Variants in NKAIN2 observed in about 807,000 individuals in gnomAD.
The protein encoded by NKAIN2 is sodium/potassium-transporting ATPase subunit beta-1-interacting protein 2.
A neutral mutation model predicts 32.6 loss-of-function variants in NKAIN2; 14 were observed. The ratio of observed to expected loss-of-function variants is 0.43; its 90% CI spans 0.28 to 0.67. NKAIN2 has a LOEUF of 0.67. NKAIN2 is among the 30% of genes least tolerant of loss of function. The probability of loss-of-function intolerance (pLI) is 0.17; values close to 1 mark genes in which losing one functional copy is unlikely to be tolerated. For missense variants in NKAIN2, 198 were observed against 258.3 expected (o/e 0.77, Z 1.60); for synonymous variants, 80 against 87.2 (o/e 0.92, Z 0.46).
rs571307194 is a variant in NKAIN2 at position 123,834,114 on chromosome 6, C to T, written c.54+29860C>T. On this transcript the variant is annotated intron_variant, in intron 1 of 6. Coordinates refer to ENST00000368417, the MANE Select transcript of NKAIN2 (RefSeq NM_001040214.3). ...TTTGGTATATTACCCTTGTATCCTG[C>T]AACTTTGCAATAATTCCATATTAGT... Among the ~76,000 whole-genome samples the T allele has an allele frequency of 9.5e-4, 145 of 152,140 alleles. 1 individual carries two copies. Among genetic ancestry groups the T allele is most frequent in the African/African-American group, 3.4e-3 (141 of 41,506 alleles).
At chr6:124,677,883 C>CT (rs1773437208) in intron 4 of NKAIN2, among the ~76,000 whole-genome samples, 1 of 151,794 alleles carries the variant, frequency 6.6e-6, no homozygotes, top group Non-Finnish European at 1.5e-5. Flanking sequence ...TTTAACCTTT[C>CT]TTTTTAAGGC....
At chr6:124,007,227 G>T (rs1350629860) in intron 1 of NKAIN2, among the ~76,000 whole-genome samples, 1 of 152,146 alleles carries the variant, frequency 6.6e-6, no homozygotes, top group Non-Finnish European at 1.5e-5. Context: ...TACAAATACG[G>T]TATTATAGTC....
intron 1 of NKAIN2, among the ~76,000 whole-genome samples, chr6:123,927,003 CA>C (rs1300211799): frequency 1.3e-5 from 2 of 152,106 alleles, no homozygotes; most frequent in African/African-American, 4.8e-5. Flanking sequence ...TAAGATATGG[CA>C]ATATAATTAA....
At chr6:124,125,074 T>C (rs1043613461) in intron 1 of NKAIN2, among the ~76,000 whole-genome samples, 4 of 152,224 alleles carry the variant, frequency 2.6e-5, no homozygotes, top group Non-Finnish European at 5.9e-5. Flanking sequence ...AGTCTTGTTC[T>C]ACCTGCTGGG....
At chr6:124,664,655 G>C (rs539471409) in intron 4 of NKAIN2, among the ~76,000 whole-genome samples, 10 of 149,138 alleles carry the variant, frequency 6.7e-5, no homozygotes, top group African/African-American at 2.4e-4. Context: ...TTAGCCGGGC[G>C]TAGTGGCGGG....
At chr6:124,640,950 TA>T (rs1192906459) in intron 3 of NKAIN2, among the ~76,000 whole-genome samples, 4 of 152,184 alleles carry the variant, frequency 2.6e-5, no homozygotes, top group African/African-American at 9.7e-5. Context: ...AGGATCACCT[TA>T]AAACAAAATT....
chr6:124,394,365 T>C (rs1322603953), intron 3 of NKAIN2, among the ~76,000 whole-genome samples: 2 of 152,004 alleles, frequency 1.3e-5, no homozygotes, highest in Non-Finnish European at 2.9e-5. Flanking sequence ...CATAATACTA[T>C]AGGATCAAAA....
intron 1 of NKAIN2, among the ~76,000 whole-genome samples, chr6:124,084,753 T>C (rs1380164028): frequency 6.6e-6 from 1 of 152,034 alleles, no homozygotes; most frequent in Non-Finnish European, 1.5e-5. Context: ...AAGATCATTG[T>C]GCTTTAATCA....
chr6:124,752,804 T>A (rs1316653270), intron 4 of NKAIN2, among the ~76,000 whole-genome samples: 2 of 152,074 alleles, frequency 1.3e-5, no homozygotes, highest in African/African-American at 4.8e-5. Flanking sequence ...GTGAAATGAA[T>A]GAATTCTATT....
At chr6:124,215,854 A>G (rs887253102) in intron 1 of NKAIN2, among the ~76,000 whole-genome samples, 1 of 152,154 alleles carries the variant, frequency 6.6e-6, no homozygotes, top group Non-Finnish European at 1.5e-5. Flanking sequence ...GCAGTGGCTG[A>G]CGCCTGTAAT....
intron 3 of NKAIN2, among the ~76,000 whole-genome samples, chr6:124,390,365 G>A (rs899402403): frequency 5.9e-5 from 9 of 152,068 alleles, no homozygotes; most frequent in Admixed American, 1.3e-4. Flanking sequence ...AAACAAGCTC[G>A]AGATCAGCTA....
At chr6:124,110,139 C>CTTT (rs201686423) in intron 1 of NKAIN2, among the ~76,000 whole-genome samples, 2 of 135,544 alleles carry the variant, frequency 1.5e-5, no homozygotes, top group African/African-American at 5.3e-5. Flanking sequence ...CCCTCATTTT[C>CTTT]TTTTTTTTTT....
chr6:124,387,506 T>C (rs1191944753), intron 3 of NKAIN2, among the ~76,000 whole-genome samples: 1 of 152,122 alleles, frequency 6.6e-6, no homozygotes, highest in Admixed American at 6.6e-5. Context: ...TATCATTTTA[T>C]GTCCAGAAAA....
At chr6:124,718,293 C>A (rs905837339) in intron 4 of NKAIN2, among the ~76,000 whole-genome samples, 1 of 152,136 alleles carries the variant, frequency 6.6e-6, no homozygotes, top group Non-Finnish European at 1.5e-5. Flanking sequence ...TACAGATTTC[C>A]CTACTCTGTG....
At chr6:124,046,822 C>T (rs569736550) in intron 1 of NKAIN2, among the ~76,000 whole-genome samples, 35 of 151,784 alleles carry the variant, frequency 2.3e-4, no homozygotes, top group Middle Eastern at 6.8e-3. Flanking sequence ...ATGATGAACA[C>T]CATAGAACTG....
At chr6:124,098,464 A>G (rs1784736920) in intron 1 of NKAIN2, among the ~76,000 whole-genome samples, 1 of 152,214 alleles carries the variant, frequency 6.6e-6, no homozygotes, top group Admixed American at 6.5e-5. Context: ...AATATCAACA[A>G]TATACATTTC....
rs540968116 is a variant in NKAIN2, at chr6:124,582,618, A to G, written c.274-75568A>G. Among the ~76,000 whole-genome samples the G allele has an allele frequency of 1.8e-4, 28 of 152,304 alleles. 1 individual carries two copies. The South Asian group carries it at 5.0e-3, about 27-fold the overall frequency. ...TCCTCCAAACTCATTCTACAAGGCT[A>G]GTATTGTCTTGATACCAAAATCAGA... On this transcript the variant is annotated intron_variant, in intron 3 of 6. Coordinates refer to ENST00000368417, the MANE Select transcript of NKAIN2 (RefSeq NM_001040214.3).
At chr6:124,481,084 G>A (rs1777427524) in intron 3 of NKAIN2, among the ~76,000 whole-genome samples, 1 of 151,656 alleles carries the variant, frequency 6.6e-6, no homozygotes, top group Non-Finnish European at 1.5e-5. Flanking sequence ...GAGAAATCAT[G>A]TCAAAAGGAA....
At chr6:124,362,402 C>T (rs7738066) in intron 3 of NKAIN2, among the ~76,000 whole-genome samples, 129,398 of 152,184 alleles carry the variant, frequency 0.85, 55,264 homozygotes, top group African/African-American at 0.93. Flanking sequence ...TCTCTTCTCT[C>T]GTTTTCCTTC....
Sources: gnomAD v4.1 joint callset for allele counts (sites outside exome capture counted in the v4.1 genomes callset) on GRCh38, gnomAD v4.1.1 for gene constraint, MANE v1.5 for transcripts, NCBI Gene and HGNC (gene_info 2026-07-23, HGNC 2026-07-21) for gene names.